Variants in UQCC1 observed in about 807,000 individuals in gnomAD.
The protein encoded by UQCC1 is ubiquinol-cytochrome c reductase complex assembly factor 1, also known as bFGF-repressed Zic-binding protein.
Under a neutral mutation model 48.0 loss-of-function variants are expected in UQCC1, and 38 were observed. The observed-to-expected ratio is 0.79, with a 90% CI of 0.61 to 1.04. The LOEUF is 1.04. Ranked by LOEUF, UQCC1 falls within the 50% of genes least tolerant of loss-of-function variation. The pLI is 0.00. For synonymous variants in UQCC1, 111 were observed against 129.2 expected (o/e 0.86, Z 0.95); for missense variants, 368 against 381.8 (o/e 0.96, Z 0.30).
chr20:35,374,048 G>T, intron 5 of UQCC1, 136 bp downstream of exon 5: 2 of 635,840 alleles, frequency 3.1e-6, no homozygotes, highest in Non-Finnish European at 2.7e-6. Flanking sequence ...GAGACAAATA[G>T]ACAGTTTGGA....
chr20:35,381,424 C>G (rs1291851441), intron 4 of UQCC1, among the ~76,000 whole-genome samples: 1 of 152,242 alleles, frequency 6.6e-6, no homozygotes, highest in Non-Finnish European at 1.5e-5. Flanking sequence ...GTTGCCATGC[C>G]TGCTACTATG....
chr20:35,331,270 C>A (rs770422263), intron 7 of UQCC1, among the ~76,000 whole-genome samples: 1 of 152,082 alleles, frequency 6.6e-6, no homozygotes, highest in Non-Finnish European at 1.5e-5. Context: ...GGGCAACACA[C>A]ACAGTTTACA....
intron 6 of UQCC1, 55 bp from the exon 7 acceptor site, chr20:35,347,327 C>T: frequency 1.5e-5 from 24 of 1,599,984 alleles, no homozygotes; most frequent in Non-Finnish European, 2.0e-5. Flanking sequence ...TCACATCACA[C>T]ATTTCCACTG....
intron 1 of UQCC1, among the ~76,000 whole-genome samples, chr20:35,397,361 A>G (rs1403684477): frequency 6.6e-6 from 1 of 151,156 alleles, no homozygotes; most frequent in South Asian, 2.1e-4. Context: ...TAAAAATACA[A>G]AAAAATTAGC....
At position 35,389,034 on chromosome 20, in the gene UQCC1, C is replaced by G. The variant is rs904001921; in HGVS notation, c.130-4901G>C. On this transcript the variant is annotated intron_variant, in intron 2 of 9. Coordinates refer to ENST00000374385, the MANE Select transcript of UQCC1 (RefSeq NM_018244.5). ...TGAGCCAAGATCGCACCACTGCACT[C>G]CCACCTGGGCAACAGAGTGAGACTC... Among the ~76,000 whole-genome samples the G allele has an allele frequency of 1.1e-4, 17 of 151,652 alleles. 1 individual carries two copies. The highest frequency in any genetic ancestry group is 9.9e-4 in the Admixed American group (15 of 15,210).
intron 2 of UQCC1, among the ~76,000 whole-genome samples, chr20:35,389,465 A>T (rs2061987251): frequency 6.6e-6 from 1 of 152,096 alleles, no homozygotes; most frequent in African/African-American, 2.4e-5. Context: ...CAGGAGGCTG[A>T]GGCAGGAGAA....
chr20:35,375,998 A>T (rs888460165), intron 4 of UQCC1, among the ~76,000 whole-genome samples: 1 of 151,386 alleles, frequency 6.6e-6, no homozygotes, highest in East Asian at 1.9e-4. Flanking sequence ...CCGTTTCTTT[A>T]AAAATATCAA....
chr20:35,303,777 C>T lies in UQCC1; in HGVS notation c.*158G>A. The T allele has an allele frequency of 9.7e-7, 1 of 1,025,912 alleles. No homozygotes were observed. Among genetic ancestry groups the T allele is most frequent in the Non-Finnish European group, 1.4e-6 (1 of 689,868 alleles). The allele number at this position is 1,025,912 out of a possible 1,614,324, so 63.6% of individuals were successfully genotyped here. A position where few individuals can be genotyped will look rare whatever the true frequency, so the allele number is the denominator to read the frequency against. On this transcript the variant is annotated 3_prime_UTR_variant, in exon 10 of 10. Transcript: ENST00000374385. Reference sequence around the variant, plus strand: ...CCCCAGCAGATCAGACTCCTGGGCACACTAAGAGGAAACTCAACACAAATG... The same window carrying T: ...CCCCAGCAGATCAGACTCCTGGGCATACTAAGAGGAAACTCAACACAAATG...
intron 7 of UQCC1, among the ~76,000 whole-genome samples, chr20:35,343,126 A>C (rs1401472364): frequency 6.6e-6 from 1 of 152,152 alleles, no homozygotes; most frequent in Non-Finnish European, 1.5e-5. Flanking sequence ...AAAAATCACT[A>C]CTACATTGAT....
intron 6 of UQCC1, among the ~76,000 whole-genome samples, chr20:35,360,608 T>A (rs2061594556): frequency 6.6e-6 from 1 of 152,168 alleles, no homozygotes; most frequent in African/African-American, 2.4e-5. Context: ...CTTTGCCTCT[T>A]AATTACTCCT....
intron 1 of UQCC1, among the ~76,000 whole-genome samples, chr20:35,408,331 A>C (rs1324086233): frequency 6.6e-6 from 1 of 152,030 alleles, no homozygotes; most frequent in East Asian, 1.9e-4. Flanking sequence ...CGGGAGGCTA[A>C]GATGAGAGGA....
At chr20:35,335,503 T>C (rs565871709) in intron 7 of UQCC1, among the ~76,000 whole-genome samples, 1 of 152,140 alleles carries the variant, frequency 6.6e-6, no homozygotes, top group African/African-American at 2.4e-5. Context: ...AGGAATGAAG[T>C]ACTGAAAATA....
intron 5 of UQCC1, among the ~76,000 whole-genome samples, chr20:35,373,973 G>A (rs1187693231): frequency 6.6e-6 from 1 of 152,102 alleles, no homozygotes; most frequent in Non-Finnish European, 1.5e-5. Flanking sequence ...AGGAGTTTTA[G>A]GCCAGCCCGG....
chr20:35,343,439 G>A (rs1477795519), intron 7 of UQCC1, among the ~76,000 whole-genome samples: 3 of 152,086 alleles, frequency 2.0e-5, no homozygotes, highest in East Asian at 1.9e-4. Flanking sequence ...GTACACACAC[G>A]GAAGACTGAG....
chr20:35,387,129 A>C (rs1388439706), intron 2 of UQCC1, among the ~76,000 whole-genome samples: 1 of 151,618 alleles, frequency 6.6e-6, no homozygotes, highest in African/African-American at 2.4e-5. Context: ...TCCAAAAAAA[A>C]ACAAAAATTA....
chr20:35,342,421 G>A (rs981578204), intron 7 of UQCC1, among the ~76,000 whole-genome samples: 1 of 152,206 alleles, frequency 6.6e-6, no homozygotes, highest in Non-Finnish European at 1.5e-5. Flanking sequence ...TGTCACAAAT[G>A]GAAAAATTAA....
intron 2 of UQCC1, among the ~76,000 whole-genome samples, chr20:35,393,087 CAACTT>C (rs528769323): frequency 8.2e-4 from 125 of 151,914 alleles, no homozygotes; most frequent in African/African-American, 2.9e-3. Context: ...AAAAAAAACT[CAACTT>C]GAGAGAGGTA....
At chr20:35,363,460 T>A (rs1305382720) in intron 6 of UQCC1, among the ~76,000 whole-genome samples, 5 of 152,192 alleles carry the variant, frequency 3.3e-5, no homozygotes, top group Non-Finnish European at 7.3e-5. Context: ...ATACAACTGA[T>A]AAGGGTCCTC....
chr20:35,304,016 C>T lies in UQCC1; in HGVS notation c.819G>A (p.Val273=). The T allele has an allele frequency of 1.2e-6, 2 of 1,614,180 alleles. No homozygotes were observed. The highest frequency in any genetic ancestry group is 1.1e-5 in the South Asian group (1 of 91,082). ...NGEDLLLTGE[V]SWRPLVEKNP... is the part of the protein sequence containing the mutation. Reference sequence around the variant, plus strand: ...TCTTCTCCACTAGAGGGCGCCAGCTCACCTCCCCTGTCAGAAGCAGATCCT... The same window carrying T: ...TCTTCTCCACTAGAGGGCGCCAGCTTACCTCCCCTGTCAGAAGCAGATCCT... The change falls in exon 10 of 10, where the codon GTG becomes GTA. Residue 273 remains valine, a synonymous_variant. Coordinates refer to ENST00000374385, the MANE Select transcript of UQCC1 (RefSeq NM_018244.5).
Sources: allele counts gnomAD v4.1 joint callset (sites outside exome capture counted in the v4.1 genomes callset), GRCh38; gene constraint gnomAD v4.1.1; transcripts MANE v1.5; gene names NCBI Gene and HGNC (gene_info 2026-07-23, HGNC 2026-07-21).